MYO15B: variants seen among roughly 807,000 people sequenced by gnomAD.
MYO15B encodes myosin XVB.
In MYO15B, 207 loss-of-function variants were observed where a neutral mutation model predicts 119.3. The ratio of observed to expected loss-of-function variants is 1.73; its 90% confidence interval spans 1.55 to 1.95. MYO15B has a LOEUF of 1.95. Among genes scored for constraint, MYO15B ranks in the 30% most tolerant of loss-of-function variants. MYO15B has a pLI of 0.00. For missense variants in MYO15B, 2,264 were observed against 1,203.1 expected (o/e 1.88, Z -13.04); for synonymous variants, 966 against 498.9 (o/e 1.94, Z -12.48).
At position 75,610,560 on chromosome 17, in the gene MYO15B, A is replaced by G. The variant is rs2057961953; in HGVS notation, c.4386+301A>G. On this transcript the variant is annotated intron_variant, in intron 22 of 63. Transcript: ENST00000645453. Reference sequence around the variant, plus strand: ...CCCGTCCGCTCCCCTCTTTTGCATGATGACTCAAATCTAAGGTCTATAAAG... The same window carrying G: ...CCCGTCCGCTCCCCTCTTTTGCATGGTGACTCAAATCTAAGGTCTATAAAG... The G allele has an allele frequency of 8.1e-6, 4 of 494,124 alleles. No homozygotes were observed. In the South Asian group the frequency reaches 1.4e-4, roughly 17 times the overall value. The allele number at this position is 494,124 out of a possible 1,614,324, so 30.6% of individuals were successfully genotyped here. A position where few individuals can be genotyped will look rare whatever the true frequency, so the allele number is the denominator to read the frequency against.
At chr17:75,619,920 C>T (rs1406881696) in exon 47 of MYO15B, 1 of 702,674 alleles carries the variant, frequency 1.4e-6, no homozygotes, top group Non-Finnish European at 2.6e-6. Context: ...GGCGGCTCCA[C>T]CCTGGAGCTG....
exon 34 of MYO15B, chr17:75,615,304 G>A (rs771476057): frequency 4.3e-6 from 3 of 702,594 alleles, no homozygotes; most frequent in African/African-American, 1.7e-5. Flanking sequence ...CCATGCCCAT[G>A]ATGCCAGCAA....
Position 75,590,899 on chromosome 17 carries a change from C to G in MYO15B, c.2251-8C>G. The G allele has an allele frequency of 2.3e-6, 1 of 442,108 alleles. No individual in the cohort carries two copies. Among genetic ancestry groups the G allele is most frequent in the East Asian group, 4.2e-5 (1 of 23,582 alleles). 27.4% of individuals were successfully genotyped at this position (442,108 alleles called of 1,614,324 possible). ...CACACTCTGATGAGAGCTTGTTTTC[C>G]TCCCCAGACCTTTGGGGGGCCTGTC... On this transcript the variant is annotated splice_region_variant and splice_polypyrimidine_tract_variant and intron_variant, in intron 2 of 63. Coordinates refer to ENST00000645453, the Ensembl canonical transcript of MYO15B.
rs942071962 is a variant in MYO15B, at chr17:75,593,628, A to C, written c.2991+788A>C. 5.9e-5 allele frequency among the ~76,000 whole-genome samples: 9 copies of C among 151,300 alleles called. No homozygotes were observed. In the South Asian group the frequency reaches 1.0e-3, roughly 18 times the overall value. On this transcript the variant is annotated intron_variant, in intron 9 of 63. Coordinates refer to ENST00000645453, the Ensembl canonical transcript of MYO15B. Reference sequence around the variant, plus strand: ...GACTCCGTCTCAGAAAAAAAAAAAAAAACAAAACAGACTGGGCGTGGTGGC... The same window carrying C: ...GACTCCGTCTCAGAAAAAAAAAAAACAACAAAACAGACTGGGCGTGGTGGC...
chr17:75,621,059 A>G, exon 50 of MYO15B: 1 of 702,842 alleles, frequency 1.4e-6, no homozygotes, highest in South Asian at 1.5e-5. Flanking sequence ...AGCCAGGCAC[A>G]CAGTGACGAC....
Position 75,590,178 on chromosome 17 carries a change from C to T in MYO15B, c.2121C>T (p.Phe707=), listed in dbSNP as rs79229026. ...GGCCGGGCCTGGAGGCGCCACCCTT[C>T]CCCGGTGCCAAGGGCAGGAGCCTCG... The change falls in exon 1 of 64, where the codon TTC becomes TTT. Residue 707 remains phenylalanine, a synonymous_variant. Transcript: ENST00000645453. 4 of 399,102 alleles carry T rather than the reference C, an allele frequency of 1.0e-5. No homozygotes were observed. The East Asian group carries it at 1.4e-4, about 14-fold the overall frequency. The allele number at this position is 399,102 out of a possible 1,614,324, so 24.7% of individuals were successfully genotyped here.
intron 28 of MYO15B, 48 bp from the exon 29 acceptor site, chr17:75,613,657 G>A (rs2058171656): frequency 1.4e-6 from 1 of 696,128 alleles, no homozygotes; most frequent in Non-Finnish European, 2.6e-6. Context: ...CTGTCAGGGT[G>A]GACTCTGCTG....
chr17:75,593,144 G>A (rs980657877), intron 9 of MYO15B: 7 of 195,734 alleles, frequency 3.6e-5, no homozygotes, highest in Non-Finnish European at 2.0e-5. Flanking sequence ...AGGATCGTGT[G>A]AAGCCAGGAG....
chr17:75,620,024 A>G lies in MYO15B; in HGVS notation c.7443+4A>G. ...ATTCCTGAATGAGCTTAAGAAGGTA[A>G]GTGTGGGGCACGGGTTGAGAGGCCG... On this transcript the variant is annotated splice_donor_region_variant and intron_variant, in intron 47 of 63. Coordinates refer to ENST00000645453, the Ensembl canonical transcript of MYO15B. The G allele has an allele frequency of 1.4e-6, 1 of 698,786 alleles. No homozygotes were observed. Among genetic ancestry groups the G allele is most frequent in the Admixed American group, 2.0e-5 (1 of 49,724 alleles). The allele number at this position is 698,786 out of a possible 1,614,324, so 43.3% of individuals were successfully genotyped here. A position where few individuals can be genotyped will look rare whatever the true frequency, so the allele number is the denominator to read the frequency against.
intron 9 of MYO15B, chr17:75,593,116 T>C (rs1336905179): frequency 2.4e-5 from 7 of 292,996 alleles, no homozygotes. Flanking sequence ...TCCCAGCACT[T>C]TGGGAGGCCG....
At chr17:75,590,116 G>A (rs1321459642) in exon 1 of MYO15B, 11 of 399,050 alleles carry the variant, frequency 2.8e-5, no homozygotes, top group East Asian at 3.6e-5. Flanking sequence ...GGATGAGGAC[G>A]AGGCGGTGCT....
Position 75,591,589 on chromosome 17 carries a change from A to G in MYO15B, c.2436-12A>G, listed in dbSNP as rs1167622129. ...CCCTCCCTGGAGACCCTACCAACCAACACATCCTTAGCTCCTCCCACTGCA... is the reference window on the plus strand; with the variant it reads ...CCCTCCCTGGAGACCCTACCAACCAGCACATCCTTAGCTCCTCCCACTGCA... On this transcript the variant is annotated splice_polypyrimidine_tract_variant and intron_variant, in intron 4 of 63. Transcript: ENST00000645453. 7 of 702,408 alleles carry G rather than the reference A, an allele frequency of 1.0e-5. No homozygotes were observed. The African/African-American group carries it at 1.1e-4, about 11-fold the overall frequency. The allele number at this position is 702,408 out of a possible 1,614,324, so 43.5% of individuals were successfully genotyped here.
exon 31 of MYO15B, chr17:75,614,618 C>T (rs950472901): frequency 5.7e-6 from 4 of 700,974 alleles, no homozygotes; most frequent in African/African-American, 3.5e-5. Context: ...GGCATTCAGG[C>T]CCCCTCACTG....
chr17:75,618,023 A>C, intron 42 of MYO15B, 101 bp downstream of exon 42: 1 of 692,366 alleles, frequency 1.4e-6, no homozygotes, highest in South Asian at 1.5e-5. Flanking sequence ...CCCTCCCCAC[A>C]GCCCACCATC....
In MYO15B at chr17:75,612,964, G is replaced by C. The variant is rs1284846758; in HGVS notation, c.4732-10G>C. The C allele has an allele frequency of 5.8e-6, 4 of 688,128 alleles. No individual in the cohort carries two copies. The highest frequency in any genetic ancestry group is 1.1e-5 in the Non-Finnish European group (4 of 373,688). 42.6% of individuals were successfully genotyped at this position (688,128 alleles called of 1,614,324 possible). A position where few individuals can be genotyped will look rare whatever the true frequency, so the allele number is the denominator to read the frequency against. On this transcript the variant is annotated splice_polypyrimidine_tract_variant and intron_variant, in intron 26 of 63. Transcript: ENST00000645453. ...CCGCACGTCCTGTCCTTACCCGGCT[G>C]TGTCGGCAGATGCTGCGGCTCCTGG...
intron 22 of MYO15B, chr17:75,610,561 T>C: frequency 4.0e-6 from 2 of 496,926 alleles, no homozygotes; most frequent in Non-Finnish European, 7.2e-6. Flanking sequence ...TTTTGCATGA[T>C]GACTCAAATC....
intron 15 of MYO15B, 129 bp from the exon 16 acceptor site, chr17:75,602,388 C>T (rs1451285173): frequency 4.3e-6 from 3 of 700,850 alleles, no homozygotes; most frequent in Non-Finnish European, 5.2e-6. Context: ...GGGCTGGAAA[C>T]ACCAAGGCAG....
Position 75,625,525 on chromosome 17 carries a change from A to T in MYO15B, c.8805-2A>T. ...CAAACTGACCCTGGTCACACATCCT[A>T]GGCAGGACCTGCTAGCTTACGTGCC... On this transcript the variant is annotated splice_acceptor_variant, in intron 60 of 63. Transcript: ENST00000645453. LOFTEE classifies it high-confidence loss of function. 1 of 703,080 alleles carries T rather than the reference A, an allele frequency of 1.4e-6. No individual in the cohort carries two copies. The highest frequency in any genetic ancestry group is 1.5e-5 in the South Asian group (1 of 67,594). The allele number at this position is 703,080 out of a possible 1,614,324, so 43.6% of individuals were successfully genotyped here. A position where few individuals can be genotyped will look rare whatever the true frequency, so the allele number is the denominator to read the frequency against.
At chr17:75,624,595 C>T in exon 58 of MYO15B, 1 of 703,014 alleles carries the variant, frequency 1.4e-6, no homozygotes, top group African/African-American at 1.7e-5. Flanking sequence ...ATCACGGAGC[C>T]TCAGGAAGTG....
Sources: allele counts gnomAD v4.1 joint callset (sites outside exome capture counted in the v4.1 genomes callset), GRCh38; gene constraint gnomAD v4.1.1; transcripts MANE v1.5; gene names NCBI Gene and HGNC (gene_info 2026-07-23, HGNC 2026-07-21).